Variants in TCF12 observed in about 807,000 individuals in gnomAD.
TCF12 encodes DNA-binding protein HTF4.
A neutral mutation model predicts 86.0 loss-of-function variants in TCF12; 45 were observed. The observed-to-expected ratio is 0.52, with a 90% confidence interval of 0.41 to 0.67. The LOEUF is 0.67. Ranked by LOEUF, TCF12 falls within the 30% of genes least tolerant of loss-of-function variation. TCF12 has a pLI of 0.00. For synonymous variants in TCF12, 330 were observed against 299.6 expected (o/e 1.10, Z -1.05); for missense variants, 881 against 859.9 (o/e 1.02, Z -0.31).
At chr15:57,178,436 T>G (rs2056111224) in intron 6 of TCF12, among the ~76,000 whole-genome samples, 1 of 152,202 alleles carries the variant, frequency 6.6e-6, no homozygotes. Flanking sequence ...TACAAGGAAT[T>G]GAGAAGAGAG....
rs571132769 is a variant in TCF12, at chr15:57,033,121, A to G, written c.149-30629A>G. ...AAGATAGGTCAATAGAAATTTTTCA[A>G]TCTGAACAATAAAGAGAAAAATGAA... On this transcript the variant is annotated intron_variant, in intron 3 of 20. Coordinates refer to ENST00000333725, the MANE Select transcript of TCF12 (RefSeq NM_207037.2). 3.3e-5 allele frequency among the ~76,000 whole-genome samples: 5 copies of G among 152,280 alleles called. No homozygotes were observed. In the Middle Eastern group the frequency reaches 0.017, roughly 518 times the overall value.
chr15:57,270,891 G>A (rs946856895), intron 18 of TCF12, among the ~76,000 whole-genome samples: 3 of 152,242 alleles, frequency 2.0e-5, no homozygotes, highest in South Asian at 2.1e-4. Context: ...TATCACCAGC[G>A]GAGGCTGCAG....
intron 8 of TCF12, chr15:57,219,419 G>A (rs1351637182): frequency 1.4e-6 from 2 of 1,413,522 alleles, no homozygotes; most frequent in African/African-American, 1.4e-5. Flanking sequence ...ATCCATGTGT[G>A]AATGCATAGT....
At chr15:57,066,993 C>T (rs928128149) in intron 4 of TCF12, among the ~76,000 whole-genome samples, 7 of 152,126 alleles carry the variant, frequency 4.6e-5, no homozygotes, top group Non-Finnish European at 1.0e-4. Context: ...TAAATGAGCT[C>T]CACCTGAGTT....
intron 4 of TCF12, among the ~76,000 whole-genome samples, chr15:57,087,292 G>A (rs1292655341): frequency 1.3e-5 from 2 of 151,622 alleles, no homozygotes; most frequent in Non-Finnish European, 2.9e-5. Flanking sequence ...TGTGCCTGTA[G>A]TCCCAGTTAC....
Position 57,004,751 on chromosome 15 carries a change from T to C in TCF12, c.149-58999T>C, listed in dbSNP as rs1166343558. Among the ~76,000 whole-genome samples the C allele has an allele frequency of 2.6e-5, 4 of 152,130 alleles. No homozygotes were observed. The East Asian group carries it at 7.7e-4, about 29-fold the overall frequency. On this transcript the variant is annotated intron_variant, in intron 3 of 20. Coordinates refer to ENST00000333725, the MANE Select transcript of TCF12 (RefSeq NM_207037.2). ...TTGTATTTTTAGTAGAGATGGGGTT[T>C]CACCATGTTCATCCGTCTGGTCTCG...
At chr15:57,264,194 G>GTTTTTTTTTTTTTTTTTTTTT (rs1567013145) in intron 18 of TCF12, among the ~76,000 whole-genome samples, 1 of 15,456 alleles carries the variant, frequency 6.5e-5, no homozygotes, top group Non-Finnish European at 1.4e-4. Context: ...TCTTTTGTAA[G>GTTTTTTTTTTTTTTTTTTTTT]CTTTTTTTTT....
At chr15:57,113,371 A>G (rs1437559614) in intron 5 of TCF12, among the ~76,000 whole-genome samples, 4 of 152,070 alleles carry the variant, frequency 2.6e-5, no homozygotes, top group Non-Finnish European at 5.9e-5. Context: ...TATCATAGAC[A>G]TTTGTGTACA....
rs138145337 is a variant in TCF12, at chr15:57,197,152, C to CTTTTTTTT, written c.527-607_527-600dup. 3.3e-4 allele frequency among the ~76,000 whole-genome samples: 29 copies of CTTTTTTTT among 87,246 alleles called. 2 individuals are homozygous for CTTTTTTTT. The highest frequency in any genetic ancestry group is 6.5e-4 in the African/African-American group (15 of 23,152). The allele number at this position is 87,246 out of a possible 152,430, so 57.2% of individuals were successfully genotyped here. Reference sequence around the variant, plus strand: ...TATAGTACCTGGCACAGAACAGCTTCTTTTTTTTTTTTTTTTTTTTTGAGA... The same window carrying CTTTTTTTT: ...TATAGTACCTGGCACAGAACAGCTTCTTTTTTTTTTTTTTTTTTTTTTTTTTTTTGAGA... On this transcript the variant is annotated intron_variant, in intron 7 of 20. Transcript: ENST00000333725.
intron 20 of TCF12, among the ~76,000 whole-genome samples, chr15:57,285,009 G>T (rs868445872): frequency 4.6e-5 from 7 of 152,204 alleles, no homozygotes; most frequent in Admixed American, 2.0e-4. Flanking sequence ...AATGCACTTT[G>T]TTCCATAGAT....
intron 5 of TCF12, among the ~76,000 whole-genome samples, chr15:57,096,832 T>G (rs2049357695): frequency 2.0e-5 from 3 of 152,196 alleles, no homozygotes; most frequent in Admixed American, 2.0e-4. Flanking sequence ...GTTAACTCAT[T>G]TAACAGGTTG....
At chr15:57,070,281 G>A (rs1321642481) in intron 4 of TCF12, among the ~76,000 whole-genome samples, 2 of 152,074 alleles carry the variant, frequency 1.3e-5, no homozygotes, top group African/African-American at 2.4e-5. Flanking sequence ...TAGCAATAAA[G>A]GGATATGAGG....
At chr15:56,976,988 G>A (rs779815575) in intron 3 of TCF12, among the ~76,000 whole-genome samples, 55 of 152,040 alleles carry the variant, frequency 3.6e-4, no homozygotes, top group Non-Finnish European at 6.8e-4. Flanking sequence ...CATTTCAAGT[G>A]CTCAATAGCT....
intron 5 of TCF12, among the ~76,000 whole-genome samples, chr15:57,138,250 G>A (rs559248083): frequency 1.3e-5 from 2 of 152,246 alleles, no homozygotes; most frequent in Admixed American, 6.5e-5. Context: ...ACACTTCAGC[G>A]TTAACTAAAG....
At chr15:57,124,451 C>G (rs1367520454) in intron 5 of TCF12, among the ~76,000 whole-genome samples, 2 of 152,136 alleles carry the variant, frequency 1.3e-5, no homozygotes, top group Admixed American at 6.5e-5. Flanking sequence ...TTGACTTCAC[C>G]TTGGCCAGCA....
chr15:57,075,814 CTCTCTCTCTCTCTCTCTCTCT>C (rs1224165591), intron 4 of TCF12, among the ~76,000 whole-genome samples: 279 of 58,736 alleles, frequency 4.8e-3, no homozygotes, highest in Middle Eastern at 0.011. Flanking sequence ...TTCTCTCTCT[CTCTCTCTCTCTCTCTCTCTCT>C]TTTCTTTCTT....
chr15:57,227,763 A>G (rs775686083), intron 8 of TCF12, among the ~76,000 whole-genome samples: 5 of 152,096 alleles, frequency 3.3e-5, no homozygotes, highest in Admixed American at 1.3e-4. Context: ...AGTTGGTCCC[A>G]TGGTAGCTAC....
At chr15:57,155,097 C>G (rs2054023968) in intron 5 of TCF12, among the ~76,000 whole-genome samples, 1 of 152,164 alleles carries the variant, frequency 6.6e-6, no homozygotes. Context: ...GGAATTTAAA[C>G]CTGGTTAGTC....
intron 4 of TCF12, among the ~76,000 whole-genome samples, chr15:57,071,413 G>A (rs1468835739): frequency 6.6e-6 from 1 of 152,076 alleles, no homozygotes; most frequent in Non-Finnish European, 1.5e-5. Flanking sequence ...GGGAAGCTGA[G>A]GCAAGTGGAT....
Sources: allele counts gnomAD v4.1 joint callset (sites outside exome capture counted in the v4.1 genomes callset), GRCh38; gene constraint gnomAD v4.1.1; transcripts MANE v1.5; gene names NCBI Gene and HGNC (gene_info 2026-07-23, HGNC 2026-07-21).